ARHGAP26: variants seen among roughly 807,000 people sequenced by gnomAD.
The protein encoded by ARHGAP26 is Rho GTPase activating protein 26, also known as rho GTPase-activating protein 26.
In ARHGAP26, 38 loss-of-function variants were observed where a neutral mutation model predicts 104.8. The ratio of observed to expected loss-of-function variants is 0.36; its 90% CI spans 0.28 to 0.48. The LOEUF (loss-of-function observed/expected upper bound fraction) is 0.48. Ranked by LOEUF, ARHGAP26 falls within the 20% of genes least tolerant of loss-of-function variation. The pLI, the probability that ARHGAP26 is intolerant of heterozygous loss-of-function variation, is 0.99. For missense variants in ARHGAP26, 704 were observed against 947.9 expected (o/e 0.74, Z 3.38); for synonymous variants, 341 against 340.0 (o/e 1.00, Z -0.03).
intron 1 of ARHGAP26, among the ~76,000 whole-genome samples, chr5:142,785,407 A>G (rs1303040145): frequency 1.3e-5 from 2 of 152,186 alleles, no homozygotes; most frequent in South Asian, 2.1e-4. Flanking sequence ...CAGATTTACT[A>G]GTGCAACCTG....
At chr5:143,056,118 A>G (rs1785771288) in intron 16 of ARHGAP26, 32 bp downstream of exon 16, 1 of 1,574,094 alleles carries the variant, frequency 6.4e-7, no homozygotes, top group Non-Finnish European at 8.7e-7. Flanking sequence ...TTTAAGGGGA[A>G]GAGAATAGAT....
chr5:143,186,253 C>T (rs1805118444), intron 20 of ARHGAP26, among the ~76,000 whole-genome samples: 1 of 152,160 alleles, frequency 6.6e-6, no homozygotes, highest in Non-Finnish European at 1.5e-5. Context: ...TTGTATGAAA[C>T]GTTATGTCAT....
intron 1 of ARHGAP26, among the ~76,000 whole-genome samples, chr5:142,827,787 G>A (rs915622242): frequency 3.3e-5 from 5 of 152,200 alleles, no homozygotes; most frequent in Non-Finnish European, 7.3e-5. Flanking sequence ...AGGATTGTTG[G>A]GGGAATTAGC....
At chr5:143,066,040 G>T (rs773679501) in intron 17 of ARHGAP26, among the ~76,000 whole-genome samples, 1 of 152,130 alleles carries the variant, frequency 6.6e-6, no homozygotes, top group East Asian at 1.9e-4. Flanking sequence ...ACAGTCATGC[G>T]CCACATAACA....
In ARHGAP26 at chr5:143,222,514, G is replaced by A. The variant is rs765278271; in HGVS notation, c.*68G>A. 3.0e-6 allele frequency: 4 copies of A among 1,311,724 alleles called. No individual in the cohort carries two copies. In the East Asian group the frequency reaches 9.8e-5, roughly 32 times the overall value. The allele number at this position is 1,311,724 out of a possible 1,614,324, so 81.3% of individuals were successfully genotyped here. A position where few individuals can be genotyped will look rare whatever the true frequency, so the allele number is the denominator to read the frequency against. ...TGACAACTGCTGATTCCAGTGTCGA[G>A]GCCATTTCTCTTTGCCACTGAGAAA... On this transcript the variant is annotated 3_prime_UTR_variant, in exon 23 of 23. Coordinates refer to ENST00000645722, the MANE Select transcript of ARHGAP26 (RefSeq NM_001135608.3).
At chr5:142,795,183 C>G (rs1047051526) in intron 1 of ARHGAP26, among the ~76,000 whole-genome samples, 1 of 151,620 alleles carries the variant, frequency 6.6e-6, no homozygotes, top group African/African-American at 2.4e-5. Flanking sequence ...GACCTGGGTT[C>G]CAGTCCTGGT....
chr5:143,050,110 G>C (rs1020532158), intron 14 of ARHGAP26, among the ~76,000 whole-genome samples: 2 of 152,174 alleles, frequency 1.3e-5, no homozygotes, highest in Non-Finnish European at 2.9e-5. Context: ...CTATGTTGTT[G>C]GTGGGCAGAG....
chr5:143,055,171 T>C (rs1217603111), intron 15 of ARHGAP26, among the ~76,000 whole-genome samples: 4 of 152,164 alleles, frequency 2.6e-5, no homozygotes, highest in South Asian at 2.1e-4. Context: ...AGGAATACCA[T>C]AGTTCTTACC....
At chr5:142,787,615 C>T (rs1200970402) in intron 1 of ARHGAP26, among the ~76,000 whole-genome samples, 1 of 152,180 alleles carries the variant, frequency 6.6e-6, no homozygotes, top group African/African-American at 2.4e-5. Context: ...GCAGGCTGAC[C>T]CTTCTGCCTT....
intron 10 of ARHGAP26, chr5:142,919,537 C>T: frequency 2.5e-6 from 1 of 397,546 alleles, no homozygotes. Context: ...CACTCATGCA[C>T]CCAGCAGCCT....
At chr5:143,218,457 C>G (rs1158673171) in intron 22 of ARHGAP26, among the ~76,000 whole-genome samples, 1 of 152,142 alleles carries the variant, frequency 6.6e-6, no homozygotes, top group African/African-American at 2.4e-5. Context: ...CTTTAATTAC[C>G]CAGGGGTCTG....
At chr5:143,069,793 T>C (rs1787989505) in intron 17 of ARHGAP26, among the ~76,000 whole-genome samples, 1 of 152,326 alleles carries the variant, frequency 6.6e-6, no homozygotes, top group Non-Finnish European at 1.5e-5. Context: ...TGTAAGTGCC[T>C]CAATAGCCCT....
intron 19 of ARHGAP26, among the ~76,000 whole-genome samples, chr5:143,137,213 A>G (rs1443520288): frequency 6.6e-6 from 1 of 152,242 alleles, no homozygotes; most frequent in Non-Finnish European, 1.5e-5. Flanking sequence ...CCACCTTAGA[A>G]TTATTTTGTG....
intron 1 of ARHGAP26, among the ~76,000 whole-genome samples, chr5:142,801,944 G>C (rs1482574530): frequency 6.6e-6 from 1 of 152,126 alleles, no homozygotes; most frequent in African/African-American, 2.4e-5. Context: ...GACTGGAGTG[G>C]GTGCGGGTCA....
intron 21 of ARHGAP26, among the ~76,000 whole-genome samples, chr5:143,210,823 T>C (rs1002288963): frequency 2.0e-5 from 3 of 152,056 alleles, no homozygotes; most frequent in Non-Finnish European, 4.4e-5. Context: ...GAGGTGAAAA[T>C]TAAAAGGGAA....
intron 20 of ARHGAP26, among the ~76,000 whole-genome samples, chr5:143,151,820 T>C (rs1360812545): frequency 6.6e-6 from 1 of 152,006 alleles, no homozygotes. Flanking sequence ...TAGCTGGGCA[T>C]GATGGTGTGA....
intron 12 of ARHGAP26, among the ~76,000 whole-genome samples, chr5:143,017,078 A>T (rs1159201110): frequency 6.6e-6 from 1 of 152,232 alleles, no homozygotes; most frequent in African/African-American, 2.4e-5. Flanking sequence ...TAAGAGTGAG[A>T]CACTGCTCTT....
intron 10 of ARHGAP26, among the ~76,000 whole-genome samples, chr5:142,927,507 C>CT (rs1176553164): frequency 1.3e-5 from 2 of 151,990 alleles, no homozygotes; most frequent in Non-Finnish European, 2.9e-5. Context: ...GTAGTTGACT[C>CT]TTTTTTTAAA....
At chr5:142,841,340 T>A (rs879939173) in intron 1 of ARHGAP26, among the ~76,000 whole-genome samples, 2 of 152,186 alleles carry the variant, frequency 1.3e-5, no homozygotes, top group African/African-American at 2.4e-5. Flanking sequence ...GGCCACAGGT[T>A]TCAAGTCTCA....
Sources: gnomAD v4.1 joint callset for allele counts (sites outside exome capture counted in the v4.1 genomes callset) on GRCh38, gnomAD v4.1.1 for gene constraint, MANE v1.5 for transcripts, NCBI Gene and HGNC (gene_info 2026-07-23, HGNC 2026-07-21) for gene names.